ZSCAN5A: variants seen among roughly 807,000 people sequenced by gnomAD.
The protein encoded by ZSCAN5A is zinc finger and SCAN domain-containing protein 5A.
ZSCAN5A carries 12 observed loss-of-function variants against 23.7 expected under a neutral mutation model. The ratio of observed to expected loss-of-function variants is 0.51; its 90% CI spans 0.32 to 0.82. The LOEUF (loss-of-function observed/expected upper bound fraction) is 0.82. Among genes scored for constraint, ZSCAN5A ranks in the 40% least tolerant of loss-of-function variants. The pLI is 0.03. For missense variants in ZSCAN5A, 597 were observed against 617.9 expected (o/e 0.97, Z 0.36); for synonymous variants, 257 against 239.9 (o/e 1.07, Z -0.66).
chr19:56,237,163 G>T (rs965185052), intron 2 of ZSCAN5A, among the ~76,000 whole-genome samples: 3 of 152,146 alleles, frequency 2.0e-5, no homozygotes, highest in Non-Finnish European at 4.4e-5. Context: ...TCCTTACTCC[G>T]TTTTTTTGTG....
chr19:56,305,010 G>A (rs1177974346), intron 2 of ZSCAN5A, among the ~76,000 whole-genome samples: 1 of 152,174 alleles, frequency 6.6e-6, no homozygotes, highest in African/African-American at 2.4e-5. Flanking sequence ...GCCACTGCCT[G>A]ACAGGGGCAA....
chr19:56,263,972 C>CTTTT (rs35570967), intron 2 of ZSCAN5A, among the ~76,000 whole-genome samples: 5 of 140,340 alleles, frequency 3.6e-5, no homozygotes, highest in Non-Finnish European at 3.1e-5. Flanking sequence ...CCAAGAAAAA[C>CTTTT]TTTTTTTTTT....
chr19:56,315,744 G>T (rs1255089363), upstream of ZSCAN5A: 1 of 152,154 alleles, frequency 6.6e-6, no homozygotes, highest in Non-Finnish European at 1.5e-5. Context: ...AGGGCCCCGG[G>T]CAAGAGACAC....
Position 56,244,428 on chromosome 19 carries a change from T to C in ZSCAN5A, c.-127-19255A>G, listed in dbSNP as rs770116383. On this transcript the variant is annotated intron_variant, in intron 2 of 5. Transcript: ENST00000683990. The stretch of plus-strand genomic sequence containing the variant: ...AATAACAGAAGACCCAAGAAATGGG[T>C]GAGTGGGACCCTCGTGACTGGTGCA... The C allele has an allele frequency of 8.9e-6, 14 of 1,579,466 alleles. No homozygotes were observed. In the East Asian group the frequency reaches 3.1e-4, roughly 35 times the overall value.
intron 2 of ZSCAN5A, among the ~76,000 whole-genome samples, chr19:56,241,598 C>T (rs2035429894): frequency 6.6e-6 from 1 of 152,158 alleles, no homozygotes; most frequent in Admixed American, 6.5e-5. Context: ...TGTGAGAATA[C>T]TTGATTGAAA....
intron 2 of ZSCAN5A, among the ~76,000 whole-genome samples, chr19:56,270,972 TCA>T (rs1167399281): frequency 1.3e-5 from 2 of 152,192 alleles, no homozygotes; most frequent in African/African-American, 4.8e-5. Context: ...TGTCCCCAGA[TCA>T]CAGTCTGGCA....
chr19:56,221,337 T>C lies in ZSCAN5A; in HGVS notation c.*238A>G. ...GAAAACTAATAAGATGATCGTTTAT[T>C]GGAAGAACAGCAACACAAACCAAAA... On this transcript the variant is annotated 3_prime_UTR_variant, in exon 6 of 6. Transcript: ENST00000683990. 1 of 454,286 alleles carries C rather than the reference T, an allele frequency of 2.2e-6. No individual in the cohort carries two copies. The allele number at this position is 454,286 out of a possible 1,614,324, so 28.1% of individuals were successfully genotyped here.
intron 2 of ZSCAN5A, among the ~76,000 whole-genome samples, chr19:56,344,950 A>G (rs2041622138): frequency 6.7e-6 from 1 of 149,682 alleles, no homozygotes; most frequent in Admixed American, 6.6e-5. Flanking sequence ...AAAAAGATAC[A>G]AAAAATTAGC....
At chr19:56,245,893 G>A (rs2146676326) in intron 2 of ZSCAN5A, among the ~76,000 whole-genome samples, 1 of 152,218 alleles carries the variant, frequency 6.6e-6, no homozygotes, top group South Asian at 2.1e-4. Flanking sequence ...GGTGTTGATA[G>A]CATCTAGAGG....
At chr19:56,344,936 GA>G (rs1279523315) in intron 2 of ZSCAN5A, among the ~76,000 whole-genome samples, 6 of 91,422 alleles carry the variant, frequency 6.6e-5, no homozygotes, top group Non-Finnish European at 8.9e-5. Flanking sequence ...AAAAAAAAAA[GA>G]AAAAAAAGAT....
At chr19:56,341,725 A>AAAC (rs2041594774) in intron 2 of ZSCAN5A, among the ~76,000 whole-genome samples, 1 of 144,902 alleles carries the variant, frequency 6.9e-6, no homozygotes, top group Admixed American at 6.8e-5. Context: ...AAAAAAAAAA[A>AAAC]AACCCTTCTG....
intron 2 of ZSCAN5A, among the ~76,000 whole-genome samples, chr19:56,277,558 T>C (rs915731892): frequency 6.6e-6 from 1 of 151,862 alleles, no homozygotes; most frequent in African/African-American, 2.4e-5. Context: ...TTAGAGACAA[T>C]GACTAAGGGG....
In ZSCAN5A at chr19:56,276,812, C is replaced by T. The variant is rs866805059; in HGVS notation, c.-128+36471G>A. Among the ~76,000 whole-genome samples the T allele has an allele frequency of 7.2e-5, 11 of 152,212 alleles. 1 individual carries two copies. The highest frequency in any genetic ancestry group is 6.8e-3 in the Middle Eastern group (2 of 294). ...TCGGCCTCCCAAAGTGCTGGGATTACAGGTGTGAGCCACTGTGCCCGGCCA... is the reference window on the plus strand; with the variant it reads ...TCGGCCTCCCAAAGTGCTGGGATTATAGGTGTGAGCCACTGTGCCCGGCCA... On this transcript the variant is annotated intron_variant, in intron 2 of 5. Coordinates refer to ENST00000683990, the MANE Select transcript of ZSCAN5A (RefSeq NM_001322064.3).
intron 2 of ZSCAN5A, among the ~76,000 whole-genome samples, chr19:56,286,024 T>A (rs2039089455): frequency 6.6e-6 from 1 of 152,150 alleles, no homozygotes. Flanking sequence ...TATCTAACTT[T>A]TTATTTATTT....
chr19:56,289,498 G>A (rs1281238930), intron 2 of ZSCAN5A, among the ~76,000 whole-genome samples: 2 of 152,190 alleles, frequency 1.3e-5, no homozygotes, highest in East Asian at 1.9e-4. Context: ...CTCTTCCCAT[G>A]AGTACTGATC....
In ZSCAN5A at chr19:56,366,182, G is replaced by C. The variant is rs577126625; in HGVS notation, c.-522+2027C>G. Among the ~76,000 whole-genome samples the C allele has an allele frequency of 1.1e-4, 16 of 152,276 alleles. No homozygotes were observed. The East Asian group carries it at 2.5e-3, about 24-fold the overall frequency. ...TGAAATTCATAGTCCCTGGGCTCAG[G>C]ATAAGAGACTGAAACCTTTGGGAGG... On this transcript the variant is annotated intron_variant, in intron 1 of 6. Coordinates refer to the ZSCAN5A transcript ENST00000587340.
At chr19:56,321,356 C>A in intron 2 of ZSCAN5A, 1 of 642,664 alleles carries the variant, frequency 1.6e-6, no homozygotes, top group South Asian at 1.7e-5. Context: ...CCAGGCATCA[C>A]AATGTGGACA....
chr19:56,325,065 CTG>C (rs1316645621), intron 2 of ZSCAN5A, among the ~76,000 whole-genome samples: 3 of 152,348 alleles, frequency 2.0e-5, no homozygotes, highest in Admixed American at 2.0e-4. Context: ...GTGTCTGACT[CTG>C]GAGCCTAGGC....
At chr19:56,296,037 C>T (rs927010674) in intron 2 of ZSCAN5A, 2 of 152,522 alleles carry the variant, frequency 1.3e-5, no homozygotes, top group African/African-American at 4.8e-5. Context: ...CTTTTTAGGG[C>T]TGGGCAGGGT....
Sources: gnomAD v4.1 joint callset for allele counts (sites outside exome capture counted in the v4.1 genomes callset) on GRCh38, gnomAD v4.1.1 for gene constraint, MANE v1.5 for transcripts, NCBI Gene and HGNC (gene_info 2026-07-23, HGNC 2026-07-21) for gene names.